PRMT3: variants seen among roughly 807,000 people sequenced by gnomAD.
The protein encoded by PRMT3 is protein arginine methyltransferase 3.
A neutral mutation model predicts 71.9 loss-of-function variants in PRMT3; 62 were observed. The observed-to-expected ratio is 0.86, with a 90% CI of 0.70 to 1.07. PRMT3 has a LOEUF of 1.07. Ranked by LOEUF, PRMT3 falls within the 50% of genes least tolerant of loss-of-function variation. The pLI is 0.00. For synonymous variants in PRMT3, 213 were observed against 220.4 expected, an observed-to-expected ratio of 0.97 and a Z score of 0.30; for missense variants, 663 against 643.0, an observed-to-expected ratio of 1.03 and a Z score of -0.34.
chr11:20,454,795 A>T (rs1036012823), intron 11 of PRMT3, among the ~76,000 whole-genome samples: 4 of 152,100 alleles, frequency 2.6e-5, no homozygotes, highest in Admixed American at 6.5e-5. Flanking sequence ...GGCCCATACA[A>T]ACGTGATGGG....
chr11:20,467,772 G>A (rs1432593191), intron 13 of PRMT3, among the ~76,000 whole-genome samples: 2 of 152,128 alleles, frequency 1.3e-5, no homozygotes, highest in Non-Finnish European at 1.5e-5. Flanking sequence ...TACATTTCTT[G>A]GAAACCTCCT....
At chr11:20,486,855 A>C (rs1851085783) in intron 13 of PRMT3, among the ~76,000 whole-genome samples, 1 of 151,988 alleles carries the variant, frequency 6.6e-6, no homozygotes, top group South Asian at 2.1e-4. Context: ...TCAGGAGTTC[A>C]AGACCAGCCT....
At chr11:20,467,170 A>G (rs1850532545) in intron 13 of PRMT3, among the ~76,000 whole-genome samples, 1 of 152,190 alleles carries the variant, frequency 6.6e-6, no homozygotes, top group Non-Finnish European at 1.5e-5. Context: ...AAGATAAAAT[A>G]TTTTAGTAGT....
At chr11:20,493,808 A>T in intron 13 of PRMT3, 111 bp from the exon 14 acceptor site, 1 of 705,388 alleles carries the variant, frequency 1.4e-6, no homozygotes, top group Non-Finnish European at 2.4e-6. Context: ...TTTAAGAGGT[A>T]TTTAGTCTCT....
intron 10 of PRMT3, among the ~76,000 whole-genome samples, chr11:20,446,408 C>T (rs1002472769): frequency 6.6e-6 from 1 of 151,066 alleles, no homozygotes; most frequent in Non-Finnish European, 1.5e-5. Flanking sequence ...AATATACAAA[C>T]GTGTATATGT....
At chr11:20,462,440 C>G (rs547401649) in intron 12 of PRMT3, among the ~76,000 whole-genome samples, 4 of 152,230 alleles carry the variant, frequency 2.6e-5, no homozygotes, top group African/African-American at 9.6e-5. Context: ...TTTACTTTGG[C>G]TTAATAAGGT....
intron 15 of PRMT3, among the ~76,000 whole-genome samples, chr11:20,496,056 A>T (rs899977000): frequency 3.9e-5 from 6 of 152,352 alleles, no homozygotes; most frequent in South Asian, 4.1e-4. Flanking sequence ...CCATCCCTAC[A>T]GCTAAGCAAT....
At position 20,408,040 on chromosome 11, in the gene PRMT3, T is replaced by C; in HGVS notation, c.893+8T>C. On this transcript the variant is annotated splice_region_variant and intron_variant, in intron 9 of 15. Coordinates refer to ENST00000331079, the MANE Select transcript of PRMT3 (RefSeq NM_005788.4). ...GGCAATGGATATTATAAGGTACATA[T>C]ATTTTAAGCCTTCATTTAAGATTAT... The C allele has an allele frequency of 6.6e-7, 1 of 1,519,330 alleles. No homozygotes were observed. Among genetic ancestry groups the C allele is most frequent in the South Asian group, 1.2e-5 (1 of 80,342 alleles). 94.1% of individuals were successfully genotyped at this position (1,519,330 alleles called of 1,614,324 possible). A position where few individuals can be genotyped will look rare whatever the true frequency, so the allele number is the denominator to read the frequency against.
At chr11:20,474,427 CCCT>C (rs1850728619) in intron 13 of PRMT3, among the ~76,000 whole-genome samples, 1 of 152,224 alleles carries the variant, frequency 6.6e-6, no homozygotes. Context: ...GATTCAGTTC[CCCT>C]CCTAAGAGTA....
intron 5 of PRMT3, among the ~76,000 whole-genome samples, chr11:20,393,597 G>GGTAGAT (rs1848763678): frequency 6.6e-6 from 1 of 152,160 alleles, no homozygotes; most frequent in African/African-American, 2.4e-5. Flanking sequence ...TGAGACAGAA[G>GGTAGAT]GTAGATGTAG....
At position 20,458,778 on chromosome 11, in the gene PRMT3, T is replaced by C. The variant is rs565548383; in HGVS notation, c.1073-3202T>C. Among the ~76,000 whole-genome samples, 14 of 152,354 alleles carry C rather than the reference T, an allele frequency of 9.2e-5. No homozygotes were observed. The South Asian group carries it at 2.9e-3, about 32-fold the overall frequency. ...TAGCAATATAAAAACTGTGCTTTTC[T>C]GTATTTTTGTGAAAGACAAATAATT... On this transcript the variant is annotated intron_variant, in intron 11 of 15. Transcript: ENST00000331079.
At chr11:20,396,610 C>T (rs1848831031) in intron 6 of PRMT3, among the ~76,000 whole-genome samples, 1 of 152,044 alleles carries the variant, frequency 6.6e-6, no homozygotes, top group Admixed American at 6.6e-5. Context: ...TGTACTCCAG[C>T]CTGGGCAACA....
intron 10 of PRMT3, among the ~76,000 whole-genome samples, chr11:20,429,157 A>C (rs1849605145): frequency 6.6e-6 from 1 of 152,172 alleles, no homozygotes; most frequent in Non-Finnish European, 1.5e-5. Context: ...GTCCAGTTTC[A>C]TGGAAGACAG....
chr11:20,387,832 G>A lies in PRMT3; in HGVS notation c.28+58G>A. The A allele has an allele frequency of 6.5e-7, 1 of 1,538,678 alleles. No homozygotes were observed. The stretch of plus-strand genomic sequence containing the variant: ...TCCAGCCCCAGGCCGCGCCGCTGTG[G>A]GGCCGGTGGAAGACCCTCCGGGACA... On this transcript the variant is annotated intron_variant, in intron 1 of 15. Coordinates refer to ENST00000331079, the MANE Select transcript of PRMT3 (RefSeq NM_005788.4). The surrounding 1 kb of genome is among the most constrained non-coding windows in gnomAD (Gnocchi z 4.3).
chr11:20,508,167 A>AT, intron 15 of PRMT3, 137 bp from the exon 16 acceptor site: 1 of 493,270 alleles, frequency 2.0e-6, no homozygotes, highest in Non-Finnish European at 3.6e-6. Flanking sequence ...AAAAAAAAAA[A>AT]AAAGAATATT....
chr11:20,458,348 T>C (rs1234322195), intron 11 of PRMT3, among the ~76,000 whole-genome samples: 1 of 152,170 alleles, frequency 6.6e-6, no homozygotes, highest in Non-Finnish European at 1.5e-5. Context: ...TTATGAGGCA[T>C]TTCTAAGGGA....
intron 13 of PRMT3, among the ~76,000 whole-genome samples, chr11:20,482,598 T>A (rs932802925): frequency 1.3e-5 from 2 of 152,086 alleles, no homozygotes; most frequent in African/African-American, 4.8e-5. Context: ...AGAAATGAGT[T>A]GGACCAGGTA....
At chr11:20,411,601 G>A (rs1332308672) in intron 9 of PRMT3, among the ~76,000 whole-genome samples, 1 of 152,012 alleles carries the variant, frequency 6.6e-6, no homozygotes, top group Non-Finnish European at 1.5e-5. Flanking sequence ...TTATTTTCTT[G>A]CTGTAATGTT....
intron 12 of PRMT3, 75 bp from the exon 13 acceptor site, chr11:20,464,385 T>G: frequency 1.3e-5 from 20 of 1,488,706 alleles, no homozygotes; most frequent in East Asian, 4.8e-5. Flanking sequence ...TCTGGGTTGT[T>G]TTTGTTTTAT....
Sources: gnomAD v4.1 joint callset for allele counts (sites outside exome capture counted in the v4.1 genomes callset) on GRCh38, gnomAD v4.1.1 for gene constraint, Gnocchi (gnomAD v3.1) non-coding constraint, MANE v1.5 for transcripts, NCBI Gene and HGNC (gene_info 2026-07-23, HGNC 2026-07-21) for gene names.